The following MICU3 variants were observed in gnomAD, a reference collection of about 807,000 sequenced individuals.
MICU3 encodes the protein mitochondrial calcium uptake 3, also known as calcium uptake protein 3, mitochondrial.
Under a neutral mutation model 66.5 loss-of-function variants are expected in MICU3, and 62 were observed. The observed-to-expected ratio is 0.93, with a 90% CI of 0.76 to 1.15. The LOEUF (loss-of-function observed/expected upper bound fraction) is 1.15. Ranked by LOEUF, MICU3 falls within the 50% of genes most tolerant of loss-of-function variation. The pLI is 0.00. For synonymous variants in MICU3, 308 were observed against 240.7 expected (o/e 1.28, Z -2.59); for missense variants, 779 against 664.4 (o/e 1.17, Z -1.90).
intron 1 of MICU3, among the ~76,000 whole-genome samples, chr8:17,053,565 A>G (rs1294851743): frequency 6.6e-6 from 1 of 152,162 alleles, no homozygotes; most frequent in South Asian, 2.1e-4. Context: ...TTGACACAAT[A>G]TTTTTATTTT....
intron 9 of MICU3, among the ~76,000 whole-genome samples, chr8:17,104,015 T>G (rs1801507687): frequency 6.6e-6 from 1 of 151,896 alleles, no homozygotes; most frequent in Non-Finnish European, 1.5e-5. Context: ...TTTTTCAGAT[T>G]GATTAGGAAA....
chr8:17,068,781 A>T (rs1409558416), intron 2 of MICU3, among the ~76,000 whole-genome samples: 1 of 152,192 alleles, frequency 6.6e-6, no homozygotes, highest in Non-Finnish European at 1.5e-5. Context: ...TGAATTTGAT[A>T]TATTGTTAAT....
chr8:17,058,095 C>T (rs1185221348), intron 1 of MICU3, among the ~76,000 whole-genome samples: 5 of 152,092 alleles, frequency 3.3e-5, no homozygotes, highest in African/African-American at 1.2e-4. Context: ...GGTGATCCAC[C>T]CGCCTCGGCC....
intron 8 of MICU3, among the ~76,000 whole-genome samples, chr8:17,093,902 A>G (rs1235231019): frequency 2.0e-5 from 3 of 152,024 alleles, no homozygotes; most frequent in Non-Finnish European, 4.4e-5. Context: ...AAACGTAAAT[A>G]TACAATAAAA....
intron 1 of MICU3, among the ~76,000 whole-genome samples, chr8:17,046,422 C>T (rs1307884313): frequency 2.0e-5 from 3 of 152,150 alleles, no homozygotes; most frequent in Non-Finnish European, 4.4e-5. Flanking sequence ...TAAGCGTTTA[C>T]AAACAAATAC....
chr8:17,042,974 CT>C (rs1342976962), intron 1 of MICU3, among the ~76,000 whole-genome samples: 159 of 117,234 alleles, frequency 1.4e-3, no homozygotes, highest in African/African-American at 5.0e-3. Context: ...GAGTCTCACT[CT>C]TTCGCCCAAG....
chr8:17,074,911 A>C (rs1820150391), intron 3 of MICU3, among the ~76,000 whole-genome samples: 1 of 152,110 alleles, frequency 6.6e-6, no homozygotes, highest in Non-Finnish European at 1.5e-5. Flanking sequence ...CATGGTGCCT[A>C]ACAAGACTGC....
At chr8:17,030,267 A>G (rs1298439979) in intron 1 of MICU3, among the ~76,000 whole-genome samples, 1 of 152,042 alleles carries the variant, frequency 6.6e-6, no homozygotes, top group Admixed American at 6.6e-5. Flanking sequence ...TCTTGCTTTC[A>G]TTTTGGAGGT....
intron 8 of MICU3, among the ~76,000 whole-genome samples, chr8:17,093,039 A>C (rs751341452): frequency 1.1e-4 from 16 of 152,068 alleles, no homozygotes; most frequent in Non-Finnish European, 1.9e-4. Flanking sequence ...TCACTTTTAC[A>C]GTAGATGCTG....
At chr8:17,038,152 C>T (rs1018865055) in intron 1 of MICU3, among the ~76,000 whole-genome samples, 4 of 152,080 alleles carry the variant, frequency 2.6e-5, no homozygotes, top group East Asian at 1.9e-4. Flanking sequence ...AAGGCACGAT[C>T]AATTTTGTAA....
At chr8:17,050,297 AAT>A (rs966295061) in intron 1 of MICU3, among the ~76,000 whole-genome samples, 15 of 152,052 alleles carry the variant, frequency 9.9e-5, no homozygotes, top group Admixed American at 7.2e-4. Context: ...TTTTAAAAAT[AAT>A]ATGTCCTTCT....
At chr8:17,135,256 A>T in the MICU3 span, among the ~76,000 whole-genome samples, 1 of 152,062 alleles carries the variant, frequency 6.6e-6, no homozygotes, top group Non-Finnish European at 1.5e-5. Context: ...AAAATTAGCC[A>T]GGTGTGATGG....
At chr8:17,041,594 T>A (rs1267356641) in intron 1 of MICU3, among the ~76,000 whole-genome samples, 4 of 145,262 alleles carry the variant, frequency 2.8e-5, no homozygotes, top group Non-Finnish European at 4.5e-5. Flanking sequence ...ATGGAATTGA[T>A]TTTTTTTTTT....
chr8:17,066,100 G>C (rs1818636910), intron 2 of MICU3, among the ~76,000 whole-genome samples: 1 of 151,804 alleles, frequency 6.6e-6, no homozygotes, highest in Non-Finnish European at 1.5e-5. Flanking sequence ...GAATTTTAAG[G>C]CTGTGATAAG....
intron 13 of MICU3, among the ~76,000 whole-genome samples, 191 bp from the exon 14 acceptor site, chr8:17,118,512 CCTGT>C (rs1247647071): frequency 6.6e-5 from 10 of 152,264 alleles, no homozygotes; most frequent in Admixed American, 2.6e-4. Context: ...TCATATTCTT[CCTGT>C]CTAATTGGAA....
At chr8:17,129,303 G>C in the MICU3 span, among the ~76,000 whole-genome samples, 18 of 152,150 alleles carry the variant, frequency 1.2e-4, no homozygotes, top group African/African-American at 4.3e-4. Flanking sequence ...AAAAAGGGGA[G>C]AAAGTCATTC....
At chr8:17,114,572 G>A (rs1447001749) in intron 12 of MICU3, among the ~76,000 whole-genome samples, 2 of 152,188 alleles carry the variant, frequency 1.3e-5, no homozygotes, top group Non-Finnish European at 2.9e-5. Context: ...GTAAAATTGA[G>A]TATCAGTTTT....
At chr8:17,062,272 C>A (rs1244574076) in intron 1 of MICU3, among the ~76,000 whole-genome samples, 1 of 152,106 alleles carries the variant, frequency 6.6e-6, no homozygotes, top group Non-Finnish European at 1.5e-5. Flanking sequence ...GCCTATGGCA[C>A]CTTTCTTCTA....
chr8:17,058,096 C>G (rs151116170), intron 1 of MICU3, among the ~76,000 whole-genome samples: 3 of 152,030 alleles, frequency 2.0e-5, no homozygotes, highest in African/African-American at 7.2e-5. Context: ...GTGATCCACC[C>G]GCCTCGGCCT....
Sources: allele counts gnomAD v4.1 joint callset (sites outside exome capture counted in the v4.1 genomes callset), GRCh38; gene constraint gnomAD v4.1.1; transcripts MANE v1.5; gene names NCBI Gene and HGNC (gene_info 2026-07-23, HGNC 2026-07-21).